Variants in SHROOM4 observed in about 807,000 individuals in gnomAD.
The protein encoded by SHROOM4 is protein Shroom4.
A neutral mutation model predicts 80.3 loss-of-function variants in SHROOM4; 17 were observed. That is an observed-to-expected ratio of 0.21 (90% CI 0.14 to 0.32). The LOEUF is 0.32. Among genes scored for constraint, SHROOM4 ranks in the 10% least tolerant of loss-of-function variants. SHROOM4 has a pLI of 1.00. For synonymous variants in SHROOM4, 400 were observed against 437.5 expected (o/e 0.91, Z 1.07); for missense variants, 993 against 1,140.3 (o/e 0.87, Z 1.86).
At chrX:50,749,447 A>C (rs1934856432) in intron 1 of SHROOM4, among the ~76,000 whole-genome samples, 1 of 111,836 alleles carries the variant, frequency 8.9e-6, no homozygotes, top group Admixed American at 9.5e-5. Context: ...CACCTTTAAA[A>C]GGGTCACAGT....
intron 1 of SHROOM4, among the ~76,000 whole-genome samples, chrX:50,731,838 G>C (rs1327076996): frequency 8.9e-6 from 1 of 111,779 alleles, no homozygotes; most frequent in East Asian, 2.8e-4. Flanking sequence ...GCATGGATAA[G>C]TGTAAACCTA....
At chrX:50,579,821 C>G in the SHROOM4 span, among the ~76,000 whole-genome samples, 1 of 111,316 alleles carries the variant, frequency 9.0e-6, no homozygotes, top group South Asian at 3.8e-4. Context: ...CTAGGGATTA[C>G]AAGGATAAAA....
intron 5 of SHROOM4, among the ~76,000 whole-genome samples, chrX:50,611,216 T>C (rs1342822579): frequency 1.0e-5 from 1 of 100,422 alleles, no homozygotes; most frequent in Admixed American, 1.1e-4. Context: ...TGGCGCTTTC[T>C]TAGCTCACTG....
intron 1 of SHROOM4, among the ~76,000 whole-genome samples, chrX:50,787,194 G>T (rs1557271147): frequency 1.8e-5 from 2 of 109,092 alleles, no homozygotes; most frequent in Non-Finnish European, 3.8e-5. Context: ...ACACCAGTTT[G>T]GGCAACAGAG....
chrX:50,590,333 G>A lies in SHROOM4; in HGVS notation c.*6362C>T, dbSNP rs1042769908. Among the ~76,000 whole-genome samples, 7 of 110,646 alleles carry A rather than the reference G, an allele frequency of 6.3e-5. No individual in the cohort carries two copies. Among genetic ancestry groups the A allele is most frequent in the Admixed American group, 3.8e-4 (4 of 10,459 alleles). On this transcript the variant is annotated 3_prime_UTR_variant, in exon 9 of 9. Coordinates refer to ENST00000376020, the MANE Select transcript of SHROOM4 (RefSeq NM_020717.5). ...TCAATCTCTGCTCACTGCAAGCTCC[G>A]CCTCCTGGGTTCACGCCATTCTCCT...
chrX:50,734,771 C>T lies in SHROOM4; in HGVS notation c.118-38834G>A, dbSNP rs1010308571. Among the ~76,000 whole-genome samples, 133 of 111,026 alleles carry T rather than the reference C, an allele frequency of 1.2e-3. 1 individual carries two copies. The highest frequency in any genetic ancestry group is 4.2e-3 in the African/African-American group (127 of 30,545). The stretch of plus-strand genomic sequence containing the variant: ...TTCCCATGTGTTGTGGGAGGGACCC[C>T]ATGGGAGATAACTGAATCATGGGGG... On this transcript the variant is annotated intron_variant, in intron 1 of 8. Coordinates refer to ENST00000376020, the MANE Select transcript of SHROOM4 (RefSeq NM_020717.5).
chrX:50,758,826 C>G (rs1557268613), intron 1 of SHROOM4, among the ~76,000 whole-genome samples: 2 of 111,760 alleles, frequency 1.8e-5, no homozygotes, highest in Non-Finnish European at 3.8e-5. Flanking sequence ...TTTTAAACTA[C>G]TAATTCAATC....
intron 4 of SHROOM4, among the ~76,000 whole-genome samples, chrX:50,630,128 C>T (rs965903577): frequency 9.0e-6 from 1 of 111,186 alleles, no homozygotes; most frequent in Non-Finnish European, 1.9e-5. Context: ...CACCCGCATG[C>T]ATTACTGCTG....
intron 1 of SHROOM4, among the ~76,000 whole-genome samples, 164 bp from the exon 2 acceptor site, chrX:50,696,101 G>A (rs1201243157): frequency 9.0e-6 from 1 of 111,672 alleles, no homozygotes; most frequent in East Asian, 2.8e-4. Context: ...ATTTACTGAA[G>A]GCAAAGCTTG....
intron 1 of SHROOM4, among the ~76,000 whole-genome samples, chrX:50,707,200 T>G (rs192546826): frequency 3.7e-4 from 41 of 112,123 alleles, no homozygotes; most frequent in African/African-American, 1.3e-3. Flanking sequence ...GGGGGAACCC[T>G]CATCAATGTC....
chrX:50,723,393 G>GA (rs1569548121), intron 1 of SHROOM4, among the ~76,000 whole-genome samples: 5 of 54,471 alleles, frequency 9.2e-5, no homozygotes, highest in African/African-American at 3.3e-4. Flanking sequence ...AGCAAGGGAG[G>GA]GAGAGAGAGA....
At chrX:50,702,746 G>A (rs1933552499) in intron 1 of SHROOM4, among the ~76,000 whole-genome samples, 1 of 111,652 alleles carries the variant, frequency 9.0e-6, no homozygotes, top group Non-Finnish European at 1.9e-5. Flanking sequence ...ATTAAGATTT[G>A]TGCATTTTAC....
intron 2 of SHROOM4, among the ~76,000 whole-genome samples, chrX:50,661,384 G>C (rs1932506157): frequency 9.0e-6 from 1 of 111,069 alleles, no homozygotes; most frequent in Non-Finnish European, 1.9e-5. Context: ...TTTTTGTAGA[G>C]ACGGGGTTTT....
Position 50,776,650 on chromosome X carries a change from T to C in SHROOM4, c.117+37252A>G, listed in dbSNP as rs1935516501. On this transcript the variant is annotated intron_variant, in intron 1 of 8. Coordinates refer to ENST00000376020, the MANE Select transcript of SHROOM4 (RefSeq NM_020717.5). ...GAAGAAAACAAAAGCATCCACAATA[T>C]CATTTACATATCTGCTATTCTCTAA... is the stretch of plus-strand genomic sequence containing the variant. 3.6e-5 allele frequency among the ~76,000 whole-genome samples: 4 copies of C among 111,525 alleles called. No homozygotes were observed. In the South Asian group the frequency reaches 1.5e-3, roughly 43 times the overall value.
Position 50,607,604 on chromosome X carries a change from G to A in SHROOM4, c.3538C>T (p.Leu1180=), listed in dbSNP as rs1557248768. The A allele has an allele frequency of 8.3e-6, 10 of 1,209,206 alleles. No homozygotes were observed. The highest frequency in any genetic ancestry group is 1.0e-5 in the Non-Finnish European group (9 of 895,050). Residue 1180 remains leucine (L), a synonymous_variant, in exon 6 of 9, where the codon CTA becomes TTA. Transcript: ENST00000376020. ...AAGCTGAGGGGTTGTGGCTGCTCTA[G>A]GACCTCCTCAGGATTGAGAGCACAG... ...GSCALNPEEV[L]EQPQPLSFGH...
chrX:50,766,821 A>G (rs1442900553), intron 1 of SHROOM4, among the ~76,000 whole-genome samples: 1 of 112,019 alleles, frequency 8.9e-6, no homozygotes, highest in East Asian at 2.8e-4. Flanking sequence ...GACAAATATA[A>G]ATGATGAAGC....
chrX:50,733,234 A>C (rs1934410007), intron 1 of SHROOM4, among the ~76,000 whole-genome samples: 1 of 112,033 alleles, frequency 8.9e-6, no homozygotes, highest in Admixed American at 9.5e-5. Context: ...AAAACCCTGA[A>C]TAACATGGAA....
At chrX:50,783,625 G>C (rs1935675985) in intron 1 of SHROOM4, among the ~76,000 whole-genome samples, 2 of 109,724 alleles carry the variant, frequency 1.8e-5, no homozygotes, top group South Asian at 7.9e-4. Context: ...ACCCAGCCTG[G>C]AGTGCAGTGG....
intron 1 of SHROOM4, among the ~76,000 whole-genome samples, chrX:50,722,795 A>G (rs1247361629): frequency 2.7e-5 from 3 of 111,346 alleles, no homozygotes; most frequent in African/African-American, 9.8e-5. Context: ...AAAAAAGATT[A>G]GGAGAGCAGG....
Sources: allele counts gnomAD v4.1 joint callset (sites outside exome capture counted in the v4.1 genomes callset), GRCh38; gene constraint gnomAD v4.1.1; transcripts MANE v1.5; gene names NCBI Gene and HGNC (gene_info 2026-07-23, HGNC 2026-07-21).